GPM6A: variants seen among roughly 807,000 people sequenced by gnomAD.
The protein encoded by GPM6A is neuronal membrane glycoprotein M6-a.
Under a neutral mutation model 32.1 loss-of-function variants are expected in GPM6A, and 7 were observed. That is an observed-to-expected ratio of 0.22 (90% CI 0.12 to 0.41). The LOEUF is 0.41. Among genes scored for constraint, GPM6A ranks in the 10% least tolerant of loss-of-function variants. The pLI is 1.00. For synonymous variants in GPM6A, 130 were observed against 123.4 expected, an observed-to-expected ratio of 1.05 and a Z score of -0.35; for missense variants, 235 against 347.2, an observed-to-expected ratio of 0.68 and a Z score of 2.57.
intron 1 of GPM6A, among the ~76,000 whole-genome samples, chr4:175,863,986 G>C (rs1423165095): frequency 6.6e-6 from 1 of 151,772 alleles, no homozygotes; most frequent in African/African-American, 2.4e-5. Context: ...GGACAACAGA[G>C]AGAGACCCTG....
chr4:175,657,382 C>A (rs1378876744), intron 3 of GPM6A, among the ~76,000 whole-genome samples: 1 of 152,140 alleles, frequency 6.6e-6, no homozygotes, highest in Non-Finnish European at 1.5e-5. Context: ...CAGCTCAGGC[C>A]TCTCTCATGC....
At chr4:175,733,533 A>G (rs1230674625) in intron 1 of GPM6A, among the ~76,000 whole-genome samples, 1 of 152,054 alleles carries the variant, frequency 6.6e-6, no homozygotes, top group Non-Finnish European at 1.5e-5. Flanking sequence ...CAAGCAAACT[A>G]AACTCAATTG....
intron 1 of GPM6A, chr4:175,795,688 C>G (rs920708026): frequency 2.0e-4 from 31 of 152,288 alleles, no homozygotes; most frequent in African/African-American, 7.2e-4. Context: ...GAGTTTGAGG[C>G]TGCAGTGAGT....
intron 1 of GPM6A, among the ~76,000 whole-genome samples, chr4:175,760,741 A>G (rs939026664): frequency 1.3e-5 from 2 of 151,956 alleles, no homozygotes; most frequent in Non-Finnish European, 2.9e-5. Flanking sequence ...GCAGGTAGAG[A>G]GAGAGAGAGA....
At chr4:175,839,890 G>A (rs1347240242) in intron 1 of GPM6A, among the ~76,000 whole-genome samples, 1 of 152,034 alleles carries the variant, frequency 6.6e-6, no homozygotes, top group African/African-American at 2.4e-5. Context: ...ACTCTACCAT[G>A]ACATCTTTAG....
intron 1 of GPM6A, among the ~76,000 whole-genome samples, chr4:175,884,602 G>A (rs1005031867): frequency 6.6e-6 from 1 of 152,002 alleles, no homozygotes; most frequent in Non-Finnish European, 1.5e-5. Flanking sequence ...TGCAATCTCA[G>A]CTCACTGCAA....
intron 2 of GPM6A, among the ~76,000 whole-genome samples, chr4:175,692,492 T>C (rs1385117166): frequency 1.3e-5 from 2 of 152,160 alleles, no homozygotes; most frequent in Non-Finnish European, 1.5e-5. Flanking sequence ...TAAGCTTTTG[T>C]AGTTTTTAGT....
intron 3 of GPM6A, among the ~76,000 whole-genome samples, chr4:175,670,154 T>C (rs950817962): frequency 6.6e-6 from 1 of 152,246 alleles, no homozygotes; most frequent in Non-Finnish European, 1.5e-5. Flanking sequence ...TTCCAAAAGT[T>C]ATTATTGTTT....
At chr4:175,638,959 T>G (rs906270312) in intron 6 of GPM6A, among the ~76,000 whole-genome samples, 1 of 152,156 alleles carries the variant, frequency 6.6e-6, no homozygotes, top group African/African-American at 2.4e-5. Context: ...AGGCCTTTGC[T>G]TTTGTTCTAT....
At chr4:175,855,459 A>G (rs1489902353) in intron 1 of GPM6A, among the ~76,000 whole-genome samples, 3 of 152,158 alleles carry the variant, frequency 2.0e-5, no homozygotes, top group Admixed American at 2.0e-4. Flanking sequence ...CAAATGTATG[A>G]AAAAAACTTA....
chr4:175,927,038 G>T (rs1448556926), intron 1 of GPM6A, among the ~76,000 whole-genome samples: 2 of 152,110 alleles, frequency 1.3e-5, no homozygotes, highest in African/African-American at 2.4e-5. Flanking sequence ...TTCTAATTTG[G>T]TTTTTGTTAT....
chr4:175,780,544 AAC>A (rs1733578443), intron 1 of GPM6A, among the ~76,000 whole-genome samples: 1 of 152,244 alleles, frequency 6.6e-6, no homozygotes, highest in Non-Finnish European at 1.5e-5. Context: ...TAAATAGCAT[AAC>A]ACAGTGCGTC....
At position 175,952,945 on chromosome 4, in the gene GPM6A, G is replaced by T. The variant is rs764044924; in HGVS notation, c.-23+49364C>A. Among the ~76,000 whole-genome samples, 302 of 151,284 alleles carry T rather than the reference G, an allele frequency of 2.0e-3. 1 individual carries two copies. The highest frequency in any genetic ancestry group is 6.8e-3 in the Middle Eastern group (2 of 292). The stretch of plus-strand genomic sequence containing the variant: ...ACTGTGGTCCTGACTACTTGGGATT[G>T]CTTGACCCCAGTGGGTAGAGGCTGC... On this transcript the variant is annotated intron_variant, in intron 1 of 7. Transcript: ENST00000280187.
At chr4:175,932,007 A>G (rs1234259848) in intron 1 of GPM6A, among the ~76,000 whole-genome samples, 4 of 151,656 alleles carry the variant, frequency 2.6e-5, no homozygotes, top group African/African-American at 9.7e-5. Context: ...CAGGAGCCCA[A>G]TCACTTGAAC....
chr4:175,665,108 C>T (rs11932265), intron 3 of GPM6A, among the ~76,000 whole-genome samples: 20,691 of 152,184 alleles, frequency 0.14, 1,843 homozygotes, highest in Non-Finnish European at 0.19. Context: ...CTGATGAACA[C>T]ATTAGGGGGT....
At chr4:175,991,819 G>C (rs990950212) in intron 1 of GPM6A, among the ~76,000 whole-genome samples, 1 of 151,940 alleles carries the variant, frequency 6.6e-6, no homozygotes, top group Non-Finnish European at 1.5e-5. Flanking sequence ...ATTTGTTTCG[G>C]ATGTATAGAC....
chr4:175,962,552 C>T (rs752224954), intron 1 of GPM6A: 2 of 442,332 alleles, frequency 4.5e-6, no homozygotes, highest in Non-Finnish European at 8.7e-6. Context: ...GTACTCTCTG[C>T]TCTGCAGCCT....
chr4:175,940,828 C>T (rs1301040536), intron 1 of GPM6A, among the ~76,000 whole-genome samples: 4 of 152,186 alleles, frequency 2.6e-5, no homozygotes, highest in Non-Finnish European at 5.9e-5. Flanking sequence ...AGGCTAGTCT[C>T]GAACTCTTGA....
At chr4:175,715,050 C>G (rs192950300) in intron 1 of GPM6A, among the ~76,000 whole-genome samples, 1 of 151,308 alleles carries the variant, frequency 6.6e-6, no homozygotes, top group African/African-American at 2.4e-5. Context: ...GTTTTGATAT[C>G]CCATACCCTG....
Sources: allele counts gnomAD v4.1 joint callset (sites outside exome capture counted in the v4.1 genomes callset), GRCh38; gene constraint gnomAD v4.1.1; transcripts MANE v1.5; gene names NCBI Gene and HGNC (gene_info 2026-07-23, HGNC 2026-07-21).